Variants in TSPAN7 observed in about 807,000 individuals in gnomAD.
TSPAN7 encodes tetraspanin 7, also known as tetraspanin-7.
TSPAN7 carries 1 observed loss-of-function variant against 17.6 expected under a neutral mutation model. The observed-to-expected ratio is 0.06, with a 90% CI of 0.02 to 0.27. The LOEUF (loss-of-function observed/expected upper bound fraction) is 0.27, where lower values mean the gene tolerates loss of function less well. TSPAN7 is among the 10% of genes least tolerant of loss of function. The pLI is 1.00. For synonymous variants in TSPAN7, 78 were observed against 79.0 expected (o/e 0.99, Z 0.07); for missense variants, 112 against 201.7 (o/e 0.56, Z 2.69).
At chrX:38,660,693 T>G (rs1265081978) in intron 1 of TSPAN7, among the ~76,000 whole-genome samples, 1 of 112,298 alleles carries the variant, frequency 8.9e-6, no homozygotes, top group Non-Finnish European at 1.9e-5. Flanking sequence ...GCAATCTAGC[T>G]AAGACTTCTG....
intron 1 of TSPAN7, among the ~76,000 whole-genome samples, chrX:38,581,404 AAG>A (rs2069226111): frequency 8.9e-6 from 1 of 112,012 alleles, no homozygotes. Flanking sequence ...TGCGGCAGGC[AAG>A]AGAGAGAGCA....
intron 1 of TSPAN7, among the ~76,000 whole-genome samples, chrX:38,652,131 C>T (rs763073619): frequency 9.8e-5 from 11 of 111,899 alleles, no homozygotes; most frequent in East Asian, 2.8e-4. Flanking sequence ...TATGACCTAT[C>T]GCTTCCTTTG....
chrX:38,675,549 T>G (rs2069847799), intron 4 of TSPAN7, among the ~76,000 whole-genome samples, 156 bp from the exon 5 acceptor site: 2 of 112,373 alleles, frequency 1.8e-5, no homozygotes, highest in East Asian at 5.6e-4. Flanking sequence ...TGGGTATAAT[T>G]GTTATTGGAG....
At chrX:38,667,762 C>T (rs2069792442) in intron 2 of TSPAN7, among the ~76,000 whole-genome samples, 1 of 112,248 alleles carries the variant, frequency 8.9e-6, no homozygotes, top group Non-Finnish European at 1.9e-5. Flanking sequence ...TCTATTCTAA[C>T]ACCCTGAGTC....
At chrX:38,603,088 C>T (rs758248586) in intron 1 of TSPAN7, among the ~76,000 whole-genome samples, 2 of 111,642 alleles carry the variant, frequency 1.8e-5, no homozygotes, top group Non-Finnish European at 3.8e-5. Context: ...ATTTAAAAGG[C>T]AAATAATTAA....
chrX:38,605,020 C>T (rs1168988370), intron 1 of TSPAN7, among the ~76,000 whole-genome samples: 1 of 111,084 alleles, frequency 9.0e-6, no homozygotes. Context: ...TGCCCTCTCT[C>T]ACCACTCCTA....
chrX:38,598,670 A>T (rs929149242), intron 1 of TSPAN7, among the ~76,000 whole-genome samples: 42 of 110,986 alleles, frequency 3.8e-4, no homozygotes, highest in South Asian at 1.1e-3. Context: ...AATAAATTAG[A>T]ATTTGGGGGT....
At chrX:38,667,242 A>G (rs1602120588) in intron 2 of TSPAN7, among the ~76,000 whole-genome samples, 1 of 112,067 alleles carries the variant, frequency 8.9e-6, no homozygotes, top group East Asian at 2.8e-4. Flanking sequence ...ATAAGGGCAG[A>G]CTATTGAAAG....
intron 1 of TSPAN7, chrX:38,566,417 C>A: frequency 1.4e-6 from 1 of 721,415 alleles, no homozygotes; most frequent in Non-Finnish European, 1.8e-6. Flanking sequence ...GGTTTACTCA[C>A]TAAATACTTA....
At chrX:38,604,369 G>C (rs1269165512) in intron 1 of TSPAN7, among the ~76,000 whole-genome samples, 1 of 108,779 alleles carries the variant, frequency 9.2e-6, no homozygotes, top group Non-Finnish European at 1.9e-5. Flanking sequence ...ATGATATATA[G>C]TCCTTTGGGT....
At chrX:38,586,067 T>G (rs2147403005) in intron 1 of TSPAN7, among the ~76,000 whole-genome samples, 1 of 112,856 alleles carries the variant, frequency 8.9e-6, no homozygotes, top group African/African-American at 3.2e-5. Flanking sequence ...TGACTGATCT[T>G]GTTTCTTTGC....
chrX:38,612,381 C>T (rs1437006653), intron 1 of TSPAN7: 2 of 111,623 alleles, frequency 1.8e-5, no homozygotes, highest in East Asian at 2.8e-4. Context: ...CCTCAGCCCA[C>T]GCCAGGAAAA....
chrX:38,683,222 A>G (rs1449390535), intron 6 of TSPAN7, among the ~76,000 whole-genome samples: 1 of 112,209 alleles, frequency 8.9e-6, no homozygotes, highest in East Asian at 2.8e-4. Context: ...CATTAATGAG[A>G]TGAATCAAAT....
intron 1 of TSPAN7, among the ~76,000 whole-genome samples, chrX:38,606,585 C>T (rs1477434242): frequency 9.0e-6 from 1 of 110,918 alleles, no homozygotes; most frequent in Non-Finnish European, 1.9e-5. Context: ...GATCCTGAAT[C>T]TTAAGTCCAT....
chrX:38,583,667 T>C (rs772933308), intron 1 of TSPAN7, among the ~76,000 whole-genome samples: 3 of 111,930 alleles, frequency 2.7e-5, no homozygotes, highest in Non-Finnish European at 5.6e-5. Context: ...AGAAGGCCTC[T>C]CTGAGGAGTT....
chrX:38,671,950 A>G (rs928176067), intron 3 of TSPAN7, among the ~76,000 whole-genome samples: 3 of 111,199 alleles, frequency 2.7e-5, no homozygotes, highest in African/African-American at 9.8e-5. Context: ...TAGGAGGCTG[A>G]GGAGGGAGGA....
chrX:38,607,330 G>A (rs750088769), intron 1 of TSPAN7, among the ~76,000 whole-genome samples: 10 of 112,030 alleles, frequency 8.9e-5, no homozygotes, highest in African/African-American at 3.2e-4. Context: ...GTACAGCATT[G>A]CAGATCTTGA....
Position 38,657,859 on chromosome X carries a change from CT to C in TSPAN7, c.82-8258del, listed in dbSNP as rs779193420. Among the ~76,000 whole-genome samples, 70 of 112,451 alleles carry C rather than the reference CT, an allele frequency of 6.2e-4. 1 individual carries two copies. The highest frequency in any genetic ancestry group is 1.1e-3 in the Non-Finnish European group (57 of 53,277). On this transcript the variant is annotated intron_variant, in intron 1 of 7. Transcript: ENST00000378482. ...CCACAGTCAAAGCTAGAATTTCTGA[CT>C]TTTCATAGTGCTATTCAAAGCCATT...
At chrX:38,642,875 G>A (rs73198485) in intron 1 of TSPAN7, among the ~76,000 whole-genome samples, 7,918 of 110,668 alleles carry the variant, frequency 0.072, 312 homozygotes, top group East Asian at 0.25. Context: ...TATTATAAGG[G>A]TTGAATAAGT....
Sources: allele counts gnomAD v4.1 joint callset (sites outside exome capture counted in the v4.1 genomes callset), GRCh38; gene constraint gnomAD v4.1.1; transcripts MANE v1.5; gene names NCBI Gene and HGNC (gene_info 2026-07-23, HGNC 2026-07-21).